ATAD2B: variants seen among roughly 807,000 people sequenced by gnomAD.
The protein encoded by ATAD2B is ATPase family AAA domain containing 2B.
Under a neutral mutation model 167.6 loss-of-function variants are expected in ATAD2B, and 40 were observed. That is an observed-to-expected ratio of 0.24 (90% CI 0.19 to 0.31). The LOEUF is 0.31. Among genes scored for constraint, ATAD2B ranks in the 10% least tolerant of loss-of-function variants. ATAD2B has a pLI of 1.00. For missense variants in ATAD2B, 1,242 were observed against 1,757.2 expected (o/e 0.71, Z 5.24); for synonymous variants, 579 against 596.5 (o/e 0.97, Z 0.43).
At chr2:23,687,442 G>A in the ATAD2B span, among the ~76,000 whole-genome samples, 1 of 152,334 alleles carries the variant, frequency 6.6e-6, no homozygotes, top group African/African-American at 2.4e-5. Context: ...CAGTGCAGAC[G>A]CCCTGCCCCA....
At chr2:23,857,739 A>AT (rs34857462) in intron 12 of ATAD2B, among the ~76,000 whole-genome samples, 63,864 of 120,652 alleles carry the variant, frequency 0.53, 17,917 homozygotes, top group East Asian at 0.76. Context: ...ACCAAAGTGT[A>AT]TTTTTTTTTT....
intron 18 of ATAD2B, among the ~76,000 whole-genome samples, chr2:23,803,387 C>A (rs1683818746): frequency 6.6e-6 from 1 of 151,990 alleles, no homozygotes; most frequent in South Asian, 2.1e-4. Context: ...TGTCTAGTGA[C>A]CAGCTAAAGT....
chr2:23,715,400 T>C, the ATAD2B span, among the ~76,000 whole-genome samples: 1 of 151,974 alleles, frequency 6.6e-6, no homozygotes, highest in African/African-American at 2.4e-5. Flanking sequence ...GGTGAAATCC[T>C]GTCTCTACTA....
intron 23 of ATAD2B, among the ~76,000 whole-genome samples, chr2:23,763,253 C>A (rs868082143): frequency 6.6e-6 from 1 of 152,194 alleles, no homozygotes; most frequent in South Asian, 2.1e-4. Flanking sequence ...TCCATCCCTG[C>A]GGCTACATCT....
the ATAD2B span, among the ~76,000 whole-genome samples, chr2:23,741,146 C>G: frequency 7.9e-5 from 12 of 151,448 alleles, no homozygotes; most frequent in Non-Finnish European, 1.6e-4. Context: ...TTTATAGATT[C>G]AATGCCATCC....
chr2:23,794,319 T>C (rs1282975310), intron 19 of ATAD2B, among the ~76,000 whole-genome samples: 2 of 152,258 alleles, frequency 1.3e-5, no homozygotes, highest in Non-Finnish European at 2.9e-5. Flanking sequence ...CAGCACTGTT[T>C]TAAATGTTTT....
Position 23,779,261 on chromosome 2 carries a change from C to T in ATAD2B, c.3133+3608G>A, listed in dbSNP as rs567253897. ...CGTGATCTCAGCTCACTGCAAGCTC[C>T]GCCTCCCGGGTTCATGCTATTCCCC... On this transcript the variant is annotated intron_variant, in intron 22 of 27. Transcript: ENST00000238789. Among the ~76,000 whole-genome samples, 25 of 150,612 alleles carry T rather than the reference C, an allele frequency of 1.7e-4. 1 individual carries two copies. In the South Asian group the frequency reaches 5.1e-3, roughly 30 times the overall value.
the ATAD2B span, among the ~76,000 whole-genome samples, chr2:23,679,543 G>A: frequency 6.6e-6 from 1 of 150,556 alleles, no homozygotes; most frequent in South Asian, 2.1e-4. Flanking sequence ...AAGATTCAAA[G>A]GGTAGGGAAA....
At chr2:23,905,711 G>T (rs1347532970) in intron 1 of ATAD2B, among the ~76,000 whole-genome samples, 1 of 152,136 alleles carries the variant, frequency 6.6e-6, no homozygotes, top group Non-Finnish European at 1.5e-5. Context: ...ACAATCTCAA[G>T]TAAGAATACT....
At position 23,878,010 on chromosome 2, in the gene ATAD2B, C is replaced by CAAAAAAAAAA. The variant is rs1283016862; in HGVS notation, c.902-2107_902-2106insTTTTTTTTTT. ...ACTCCAGCCTGGATGACCCTATCTC[C>CAAAAAAAAAA]AAAGAAAAAAAAAAAAAAAAAAAAA... On this transcript the variant is annotated intron_variant, in intron 7 of 27. Coordinates refer to ENST00000238789, the MANE Select transcript of ATAD2B (RefSeq NM_017552.4). 2.3e-3 allele frequency among the ~76,000 whole-genome samples: 66 copies of CAAAAAAAAAA among 28,608 alleles called. 16 individuals carry two copies. Among genetic ancestry groups the CAAAAAAAAAA allele is most frequent in the East Asian group, 5.3e-3 (4 of 758 alleles). 18.8% of individuals were successfully genotyped at this position (28,608 alleles called of 152,430 possible).
At chr2:23,790,402 G>A (rs933141400) in intron 19 of ATAD2B, among the ~76,000 whole-genome samples, 2 of 152,074 alleles carry the variant, frequency 1.3e-5, no homozygotes, top group South Asian at 2.1e-4. Context: ...TATCCTAGAC[G>A]TACCACGATT....
At chr2:23,683,736 G>C in the ATAD2B span, among the ~76,000 whole-genome samples, 3 of 152,312 alleles carry the variant, frequency 2.0e-5, no homozygotes, top group East Asian at 5.8e-4. Context: ...TGTCCTGAGA[G>C]ACTCAACTGG....
At chr2:23,810,280 G>A in intron 18 of ATAD2B, 36 bp downstream of exon 18, 1 of 1,549,024 alleles carries the variant, frequency 6.5e-7, no homozygotes, top group Non-Finnish European at 8.8e-7. Flanking sequence ...TAAGCAATAA[G>A]AAAGTTGGAA....
chr2:23,737,180 T>A, the ATAD2B span, among the ~76,000 whole-genome samples: 1 of 152,344 alleles, frequency 6.6e-6, no homozygotes, highest in Admixed American at 6.5e-5. Context: ...TGTCCCTCTT[T>A]GACACCTTTG....
intron 18 of ATAD2B, among the ~76,000 whole-genome samples, chr2:23,800,573 T>G (rs72851351): frequency 0.01 from 1,583 of 152,248 alleles, 23 homozygotes; most frequent in African/African-American, 0.037. Context: ...GAGGTTTGTT[T>G]TTTTCTGTTT....
the ATAD2B span, among the ~76,000 whole-genome samples, chr2:23,684,789 C>T: frequency 1.3e-5 from 2 of 152,292 alleles, no homozygotes; most frequent in South Asian, 4.2e-4. This position sits in a 1 kb window ranked among gnomAD's most constrained non-coding sequence, Gnocchi z 4.4. Context: ...CCAGGGGCCT[C>T]TGCCAGCAGT....
Position 23,926,607 on chromosome 2 carries a change from G to C in ATAD2B, c.164C>G (p.Ala55Gly). The C allele has an allele frequency of 6.4e-7, 1 of 1,564,116 alleles. No homozygotes were observed. The highest frequency in any genetic ancestry group is 8.7e-7 in the Non-Finnish European group (1 of 1,155,984). Residue 55 changes from alanine to glycine, a missense_variant, in exon 1 of 28, where the codon GCC (alanine) becomes GGC (glycine). By Grantham distance (60) the Ala-to-Gly change is moderately conservative. This residue lies in a region of ATAD2B where 199 missense variants were observed against 194.9 expected (regional missense o/e 1.02). Coordinates refer to ENST00000238789, the MANE Select transcript of ATAD2B (RefSeq NM_017552.4). ...GCCACCGCTTCCCCCGGCTTTGGCG[G>C]CGGGGCAGCTGGCGGCGCGGGTCTT... ...SSKTRAASCP[A>G]AKAGGSGGAG...
the ATAD2B span, among the ~76,000 whole-genome samples, chr2:23,710,685 G>A: frequency 6.6e-6 from 1 of 152,118 alleles, no homozygotes; most frequent in Non-Finnish European, 1.5e-5. Flanking sequence ...AAATTGGGGG[G>A]CAAAAAACCA....
At chr2:23,724,732 GA>G in the ATAD2B span, among the ~76,000 whole-genome samples, 18 of 151,390 alleles carry the variant, frequency 1.2e-4, no homozygotes, top group Admixed American at 1.3e-4. Flanking sequence ...TATCAAGACA[GA>G]AAAAAAAATC....
Sources: gnomAD v4.1 joint callset for allele counts (sites outside exome capture counted in the v4.1 genomes callset) on GRCh38, gnomAD v4.1.1 for gene constraint, gnomAD v4.1.1 regional missense constraint, Gnocchi (gnomAD v3.1) non-coding constraint, MANE v1.5 for transcripts, NCBI Gene and HGNC (gene_info 2026-07-23, HGNC 2026-07-21) for gene names.